RIGI: variants seen among roughly 807,000 people sequenced by gnomAD.
The protein encoded by RIGI is RNA sensor RIG-I.
the RIGI span, among the ~76,000 whole-genome samples, chr9:32,525,342 T>C: frequency 6.6e-6 from 1 of 152,220 alleles, no homozygotes; most frequent in African/African-American, 2.4e-5. Context: ...TCGGGTGCTC[T>C]ACAGCTGGGA....
the RIGI span, among the ~76,000 whole-genome samples, chr9:32,476,442 G>A: frequency 6.6e-6 from 1 of 151,934 alleles, no homozygotes; most frequent in Non-Finnish European, 1.5e-5. Context: ...GAGGTTGAGG[G>A]TGCAGAGAGC....
the RIGI span, among the ~76,000 whole-genome samples, chr9:32,455,525 C>T: frequency 3.9e-5 from 6 of 152,204 alleles, no homozygotes; most frequent in Non-Finnish European, 5.9e-5. Flanking sequence ...CAACTGCCCC[C>T]GTGATCCAAT....
the RIGI span, chr9:32,485,429 G>A: frequency 1.1e-5 from 7 of 654,134 alleles, no homozygotes; most frequent in South Asian, 3.6e-5. Context: ...TAACTGGCAG[G>A]TGGTCCAGAT....
the RIGI span, among the ~76,000 whole-genome samples, chr9:32,487,121 C>T: frequency 2.6e-5 from 4 of 152,202 alleles, no homozygotes; most frequent in African/African-American, 9.6e-5. Context: ...ACAGTGATGA[C>T]CACACAGGCA....
chr9:32,480,352 T>G, the RIGI span: 1 of 1,582,188 alleles, frequency 6.3e-7, no homozygotes, highest in East Asian at 2.3e-5. Flanking sequence ...CATCATTATA[T>G]TTCTGTTGAA....
chr9:32,511,717 G>GA, the RIGI span, among the ~76,000 whole-genome samples: 1 of 152,000 alleles, frequency 6.6e-6, no homozygotes. Context: ...CAAAAGACAA[G>GA]AAATAACTAA....
At chr9:32,524,921 G>T in the RIGI span, among the ~76,000 whole-genome samples, 2 of 148,292 alleles carry the variant, frequency 1.3e-5, no homozygotes, top group South Asian at 2.2e-4. Context: ...CATTCCGCTG[G>T]AGGCTATATG....
chr9:32,487,496 C>T, the RIGI span: 1 of 1,614,176 alleles, frequency 6.2e-7, no homozygotes, highest in Non-Finnish European at 8.5e-7. Context: ...AAACAACTTG[C>T]TCCAGTTCCT....
At chr9:32,491,353 G>A in the RIGI span, 1 of 1,613,110 alleles carries the variant, frequency 6.2e-7, no homozygotes. Context: ...GATCTTCTTG[G>A]TAGAAAATCT....
chr9:32,521,491 G>A, the RIGI span, among the ~76,000 whole-genome samples: 2 of 152,282 alleles, frequency 1.3e-5, no homozygotes, highest in Middle Eastern at 3.4e-3. Context: ...GTAGCGACCT[G>A]TGATCCTATT....
the RIGI span, among the ~76,000 whole-genome samples, chr9:32,465,740 G>GA: frequency 1.6e-4 from 25 of 152,168 alleles, no homozygotes; most frequent in African/African-American, 5.8e-4. Flanking sequence ...ATTCTGAGAT[G>GA]AAAATCTCTG....
chr9:32,525,700 T>G, the RIGI span, among the ~76,000 whole-genome samples: 91 of 152,328 alleles, frequency 6.0e-4, 1 homozygote, highest in Admixed American at 2.0e-3. Context: ...TGGACTGTAA[T>G]GTATACTAAG....
chr9:32,522,143 T>C, the RIGI span, among the ~76,000 whole-genome samples: 1 of 152,006 alleles, frequency 6.6e-6, no homozygotes, highest in African/African-American at 2.4e-5. Context: ...ACAGCAGGAG[T>C]TGATTGCATG....
chr9:32,472,289 T>C, the RIGI span, among the ~76,000 whole-genome samples: 3,254 of 152,310 alleles, frequency 0.021, 138 homozygotes, highest in African/African-American at 0.075. Flanking sequence ...TGATAATGCG[T>C]GCAAGCATGA....
the RIGI span, among the ~76,000 whole-genome samples, chr9:32,514,992 G>A: frequency 2.0e-5 from 3 of 151,824 alleles, no homozygotes; most frequent in Middle Eastern, 3.2e-3. Context: ...TATAAAATAG[G>A]GGCAACTTTG....
the RIGI span, chr9:32,494,055 C>A: frequency 2.6e-6 from 2 of 782,340 alleles, no homozygotes; most frequent in Non-Finnish European, 3.9e-6. Flanking sequence ...CAAAAAATAT[C>A]TGTAAATTAC....
At chr9:32,467,959 C>T in the RIGI span, 1 of 1,534,802 alleles carries the variant, frequency 6.5e-7, no homozygotes, top group Non-Finnish European at 8.8e-7. Context: ...GGGCATTATA[C>T]AACTCACCAA....
the RIGI span, among the ~76,000 whole-genome samples, chr9:32,463,450 G>A: frequency 2.0e-5 from 3 of 152,168 alleles, no homozygotes; most frequent in Non-Finnish European, 4.4e-5. Context: ...GAAAGAAGGT[G>A]AAAATATAAC....
chr9:32,498,127 C>G, the RIGI span, among the ~76,000 whole-genome samples: 1 of 152,198 alleles, frequency 6.6e-6, no homozygotes, highest in Admixed American at 6.5e-5. Flanking sequence ...CCAACCAGCA[C>G]TTCTTCCTGA....
Sources: allele counts gnomAD v4.1 joint callset (sites outside exome capture counted in the v4.1 genomes callset), GRCh38; gene constraint gnomAD v4.1.1; transcripts MANE v1.5; gene names NCBI Gene and HGNC (gene_info 2026-07-23, HGNC 2026-07-21).